NCOA7: variants seen among roughly 807,000 people sequenced by gnomAD.
NCOA7 encodes the protein 140 kDa estrogen receptor-associated protein.
In NCOA7, 45 loss-of-function variants were observed where a neutral mutation model predicts 104.3. The observed-to-expected ratio is 0.43, with a 90% CI of 0.34 to 0.55. The LOEUF is 0.55. Among genes scored for constraint, NCOA7 ranks in the 20% least tolerant of loss-of-function variants. The pLI is 0.02. For missense variants in NCOA7, 1,041 were observed against 1,119.7 expected (o/e 0.93, Z 1.00); for synonymous variants, 398 against 402.3 (o/e 0.99, Z 0.13).
intron 2 of NCOA7, among the ~76,000 whole-genome samples, chr6:125,838,266 A>G (rs1055684905): frequency 6.6e-6 from 1 of 152,178 alleles, no homozygotes; most frequent in African/African-American, 2.4e-5. Flanking sequence ...CCAAAAATCA[A>G]GATTACAGTG....
intron 3 of NCOA7, among the ~76,000 whole-genome samples, chr6:125,868,752 TAG>T (rs973616433): frequency 6.6e-6 from 1 of 152,236 alleles, no homozygotes; most frequent in African/African-American, 2.4e-5. Flanking sequence ...GAAAAATCTA[TAG>T]AGACACAGAC....
In NCOA7 at chr6:125,928,624, TA is replaced by T; in HGVS notation, c.2694-10del. 3.8e-6 allele frequency: 6 copies of T among 1,578,748 alleles called. No homozygotes were observed. Among genetic ancestry groups the T allele is most frequent in the Admixed American group, 1.9e-5 (1 of 52,072 alleles). On this transcript the variant is annotated splice_polypyrimidine_tract_variant and intron_variant, in intron 15 of 15. Transcript: ENST00000392477. Reference sequence around the variant, plus strand: ...GTGTTTTTACCTTTTTTTTTTTTTTTAACCTTTTCAGGGGACGATTTGGTTT... The same window carrying T: ...GTGTTTTTACCTTTTTTTTTTTTTTTACCTTTTCAGGGGACGATTTGGTTT...
chr6:125,807,437 CGAGGT>C (rs1562795447), intron 1 of NCOA7, among the ~76,000 whole-genome samples: 1 of 151,992 alleles, frequency 6.6e-6, no homozygotes, highest in Non-Finnish European at 1.5e-5. Flanking sequence ...TGGGTTTTTT[CGAGGT>C]GAGGGGGAGG....
At chr6:125,834,581 C>T (rs192699150) in intron 2 of NCOA7, among the ~76,000 whole-genome samples, 46 of 152,326 alleles carry the variant, frequency 3.0e-4, no homozygotes, top group South Asian at 2.3e-3. Context: ...CAGAGTTGTG[C>T]TTTCATCTCA....
At chr6:125,788,698 ATTTT>A (rs60048395), upstream of NCOA7, among the ~76,000 whole-genome samples, 44 of 121,888 alleles carry the variant, frequency 3.6e-4, no homozygotes, top group African/African-American at 7.8e-4. Flanking sequence ...CACCCAGCTA[ATTTT>A]TTTTTTTTTT....
intron 10 of NCOA7, among the ~76,000 whole-genome samples, chr6:125,905,469 C>T (rs544271785): frequency 7.8e-4 from 118 of 152,176 alleles, no homozygotes; most frequent in Non-Finnish European, 1.3e-3. Context: ...ACCATGTTGG[C>T]CAGGCTGGTC....
At chr6:125,790,573 CG>C (rs1401045233), upstream of NCOA7, among the ~76,000 whole-genome samples, 1 of 151,948 alleles carries the variant, frequency 6.6e-6, no homozygotes, top group Non-Finnish European at 1.5e-5. Flanking sequence ...TCGGAGGTCG[CG>C]GGGGGCGGGG....
intron 1 of NCOA7, among the ~76,000 whole-genome samples, chr6:125,804,187 G>T (rs182630830): frequency 6.6e-6 from 1 of 152,270 alleles, no homozygotes; most frequent in East Asian, 1.9e-4. Flanking sequence ...AATCAAACGG[G>T]CCAGAGAGTC....
intron 13 of NCOA7, 146 bp downstream of exon 13, chr6:125,922,980 C>T (rs1787721309): frequency 1.4e-6 from 1 of 697,248 alleles, no homozygotes; most frequent in Non-Finnish European, 2.2e-6. Context: ...TTTGTTTTTT[C>T]TCTGCTGAAA....
chr6:125,865,462 A>G lies in NCOA7; in HGVS notation c.272-9427A>G, dbSNP rs1322948070. Among the ~76,000 whole-genome samples the G allele has an allele frequency of 4.4e-5, 6 of 136,328 alleles. 1 individual carries two copies. The highest frequency in any genetic ancestry group is 1.9e-4 in the African/African-American group (6 of 32,290). The allele number at this position is 136,328 out of a possible 152,430, so 89.4% of individuals were successfully genotyped here. On this transcript the variant is annotated intron_variant, in intron 3 of 15. Transcript: ENST00000392477. ...TGTGCCACAGGTTAAAACAGAGTTC[A>G]TATTGAGTATAGGGTTCATTCTTCC...
chr6:125,830,761 A>G (rs2326243), intron 2 of NCOA7, among the ~76,000 whole-genome samples: 44,649 of 143,196 alleles, frequency 0.31, 7,418 homozygotes, highest in East Asian at 0.47. Flanking sequence ...GTGTGTGTGT[A>G]TGTGTGTGTG....
At chr6:125,870,807 G>C (rs1018006445) in intron 3 of NCOA7, among the ~76,000 whole-genome samples, 13 of 152,180 alleles carry the variant, frequency 8.5e-5, no homozygotes, top group African/African-American at 3.1e-4. Context: ...TTTATGGTGT[G>C]GCAAGGGAGG....
intron 10 of NCOA7, among the ~76,000 whole-genome samples, chr6:125,900,777 GT>G (rs533214224): frequency 5.5e-5 from 8 of 146,718 alleles, no homozygotes; most frequent in African/African-American, 7.5e-5. Flanking sequence ...AAATAAAGTT[GT>G]TTTTTTTTTA....
rs775089995 is a variant in NCOA7, at chr6:125,890,750, T to C, written c.2036T>C (p.Val679Ala). ...TTTGCCACTCACACTGCAGCCATGGTCCAGCAGTACGGCAAACGGAGAAAG... is the reference window on the plus strand; with the variant it reads ...TTTGCCACTCACACTGCAGCCATGGCCCAGCAGTACGGCAAACGGAGAAAG... ...KSFATHTAAM[V>A]QQYGKRRKQP... Residue 679 changes from valine (V) to alanine (A), a missense_variant, in exon 10 of 16, where the codon GTC becomes GCC. Coordinates refer to ENST00000392477, the MANE Select transcript of NCOA7 (RefSeq NM_181782.5). 3.7e-6 allele frequency: 6 copies of C among 1,613,616 alleles called. No individual in the cohort carries two copies. In the South Asian group the frequency reaches 6.6e-5, roughly 18 times the overall value.
rs1290317763 is a variant in NCOA7 at position 125,844,808 on chromosome 6, A to C, written c.51-10212A>C. 3.9e-5 allele frequency among the ~76,000 whole-genome samples: 6 copies of C among 152,194 alleles called. No individual in the cohort carries two copies. The East Asian group carries it at 1.2e-3, about 29-fold the overall frequency. On this transcript the variant is annotated intron_variant, in intron 2 of 15. Transcript: ENST00000392477. ...TTGTGTTAAATATGTTGTGCTTTATATGTTCTCTCATTTACTTGGATTCTT... is the reference window on the plus strand; with the variant it reads ...TTGTGTTAAATATGTTGTGCTTTATCTGTTCTCTCATTTACTTGGATTCTT...
At chr6:125,824,819 C>T (rs1042368212) in intron 2 of NCOA7, among the ~76,000 whole-genome samples, 1 of 152,076 alleles carries the variant, frequency 6.6e-6, no homozygotes, top group Non-Finnish European at 1.5e-5. Context: ...AGTGCAGTGG[C>T]GTGATCTCGG....
intron 13 of NCOA7, among the ~76,000 whole-genome samples, chr6:125,926,269 G>T (rs952377890): frequency 6.7e-5 from 10 of 149,210 alleles, no homozygotes; most frequent in Middle Eastern, 6.8e-3. Flanking sequence ...CTGAGATCAT[G>T]CCATTGCACT....
At chr6:125,852,010 CATAGT>C (rs1284138519) in intron 2 of NCOA7, among the ~76,000 whole-genome samples, 1 of 151,932 alleles carries the variant, frequency 6.6e-6, no homozygotes, top group African/African-American at 2.4e-5. Context: ...TTGTCAGATG[CATAGT>C]TTGTAAATAT....
chr6:125,840,867 GGTTTTTTTTTTTTTTTTTT>G (rs1780074612), intron 2 of NCOA7, among the ~76,000 whole-genome samples: 9 of 50,658 alleles, frequency 1.8e-4, no homozygotes, highest in Admixed American at 8.2e-4. Context: ...TTGTTTGGTT[GGTTTTTTTTTTTTTTTTTT>G]TTTTTTTTTT....
Sources: allele counts gnomAD v4.1 joint callset (sites outside exome capture counted in the v4.1 genomes callset), GRCh38; gene constraint gnomAD v4.1.1; transcripts MANE v1.5; gene names NCBI Gene and HGNC (gene_info 2026-07-23, HGNC 2026-07-21).